Variants in NBAS observed in about 807,000 individuals in gnomAD.
NBAS encodes the protein NBAS subunit of NRZ tethering complex, also known as NAG/BC035112 fusion.
NBAS carries 219 observed loss-of-function variants against 302.5 expected under a neutral mutation model. That is an observed-to-expected ratio of 0.72 (90% CI 0.65 to 0.81). The LOEUF is 0.81. NBAS is among the 30% of genes least tolerant of loss of function. The probability of loss-of-function intolerance (pLI) is 0.00; values close to 1 mark genes in which losing one functional copy is unlikely to be tolerated. For missense variants in NBAS, 2,932 were observed against 2,841.6 expected, an observed-to-expected ratio of 1.03 and a Z score of -0.72; for synonymous variants, 1,118 against 1,021.6, an observed-to-expected ratio of 1.09 and a Z score of -1.80.
the NBAS span, among the ~76,000 whole-genome samples, chr2:14,970,858 C>T: frequency 1.3e-5 from 2 of 152,178 alleles, no homozygotes; most frequent in African/African-American, 4.8e-5. Context: ...TCCCACTGGG[C>T]TATAGTGTAT....
chr2:15,026,644 C>T, the NBAS span, among the ~76,000 whole-genome samples: 1 of 152,006 alleles, frequency 6.6e-6, no homozygotes, highest in Non-Finnish European at 1.5e-5. Flanking sequence ...TTTTAATGTG[C>T]TTCTGGATTC....
the NBAS span, among the ~76,000 whole-genome samples, chr2:14,990,142 G>GT: frequency 3.4e-3 from 520 of 151,764 alleles, 2 homozygotes; most frequent in Non-Finnish European, 5.5e-3. Flanking sequence ...GCCAGGTGCA[G>GT]TGGCTCACAC....
At chr2:15,422,688 T>G (rs1677269890) in intron 23 of NBAS, among the ~76,000 whole-genome samples, 1 of 152,224 alleles carries the variant, frequency 6.6e-6, no homozygotes, top group South Asian at 2.1e-4. Context: ...TAATGATCTT[T>G]TAAAATTCAT....
At chr2:15,396,234 T>C (rs1431571092) in intron 27 of NBAS, among the ~76,000 whole-genome samples, 179 bp downstream of exon 27, 3 of 152,182 alleles carry the variant, frequency 2.0e-5, no homozygotes, top group Non-Finnish European at 4.4e-5. Flanking sequence ...TATTATTCTA[T>C]TACTCCACTA....
the NBAS span, among the ~76,000 whole-genome samples, chr2:15,142,361 C>T: frequency 6.6e-6 from 1 of 152,212 alleles, no homozygotes; most frequent in Non-Finnish European, 1.5e-5. Flanking sequence ...ATGAATGTCA[C>T]ATCCGGGAGG....
chr2:15,313,791 C>T (rs1486135916), intron 38 of NBAS, among the ~76,000 whole-genome samples: 1 of 152,160 alleles, frequency 6.6e-6, no homozygotes, highest in African/African-American at 2.4e-5. Context: ...ACCACCCAAG[C>T]CAGCTGGAGA....
At chr2:14,899,059 T>A in the NBAS span, among the ~76,000 whole-genome samples, 1 of 152,190 alleles carries the variant, frequency 6.6e-6, no homozygotes, top group Non-Finnish European at 1.5e-5. Flanking sequence ...CCTCCCCCAG[T>A]GGTCTCTCCA....
At chr2:15,068,719 C>T in the NBAS span, among the ~76,000 whole-genome samples, 1 of 152,214 alleles carries the variant, frequency 6.6e-6, no homozygotes, top group South Asian at 2.1e-4. Context: ...CCTGGCAGCA[C>T]CATCCAAAAA....
intron 9 of NBAS, among the ~76,000 whole-genome samples, chr2:15,519,440 T>C (rs181097890): frequency 7.4e-4 from 111 of 149,178 alleles, no homozygotes; most frequent in African/African-American, 2.6e-3. Flanking sequence ...TTTCTTTATT[T>C]TTTTTTTAAT....
intron 48 of NBAS, among the ~76,000 whole-genome samples, chr2:15,202,049 T>C (rs1572439123): frequency 6.6e-6 from 1 of 152,338 alleles, no homozygotes; most frequent in East Asian, 1.9e-4. Flanking sequence ...AGTGCCTGTT[T>C]ATAAACTGCT....
At chr2:14,841,281 A>C in the NBAS span, among the ~76,000 whole-genome samples, 14 of 151,974 alleles carry the variant, frequency 9.2e-5, no homozygotes, top group Admixed American at 2.0e-4. Flanking sequence ...GGGGAGTTTC[A>C]AAACAACCAG....
chr2:15,099,973 A>G, the NBAS span, among the ~76,000 whole-genome samples: 1 of 152,212 alleles, frequency 6.6e-6, no homozygotes, highest in African/African-American at 2.4e-5. Flanking sequence ...CACATGTAGT[A>G]CCAATGTTTT....
chr2:15,430,768 G>A (rs997247222), intron 21 of NBAS, among the ~76,000 whole-genome samples: 4 of 151,846 alleles, frequency 2.6e-5, no homozygotes, highest in African/African-American at 9.7e-5. Flanking sequence ...CATGCATCAG[G>A]AGCCACCAGT....
At chr2:15,513,517 G>C (rs1662238955) in intron 9 of NBAS, among the ~76,000 whole-genome samples, 1 of 150,676 alleles carries the variant, frequency 6.6e-6, no homozygotes, top group Non-Finnish European at 1.5e-5. Context: ...AGAAAATATT[G>C]ATGAAAAAAG....
chr2:15,045,802 G>A, the NBAS span, among the ~76,000 whole-genome samples: 2 of 152,162 alleles, frequency 1.3e-5, no homozygotes, highest in Non-Finnish European at 2.9e-5. Flanking sequence ...TTTTCCATAT[G>A]GCTATACTAA....
chr2:15,477,022 G>A (rs978452667), intron 13 of NBAS, among the ~76,000 whole-genome samples: 6 of 152,054 alleles, frequency 3.9e-5, no homozygotes, highest in Non-Finnish European at 8.8e-5. Context: ...ATGTAAATAA[G>A]AAATTTCAAG....
intron 21 of NBAS, among the ~76,000 whole-genome samples, chr2:15,458,719 T>G (rs1249084406): frequency 6.6e-6 from 1 of 152,148 alleles, no homozygotes; most frequent in African/African-American, 2.4e-5. Context: ...ACAAACAGAC[T>G]AATACAAACC....
At chr2:15,275,429 A>G in intron 44 of NBAS, 55 bp downstream of exon 44, 1 of 1,521,906 alleles carries the variant, frequency 6.6e-7, no homozygotes, top group Non-Finnish European at 9.0e-7. Flanking sequence ...AATGTAGGAG[A>G]AATTTTCATT....
intron 38 of NBAS, among the ~76,000 whole-genome samples, chr2:15,321,391 A>G (rs537380453): frequency 6.6e-6 from 1 of 152,200 alleles, no homozygotes; most frequent in African/African-American, 2.4e-5. Context: ...CAAAATAGAC[A>G]AAGGGGATCT....
Sources: gnomAD v4.1 joint callset for allele counts (sites outside exome capture counted in the v4.1 genomes callset) on GRCh38, gnomAD v4.1.1 for gene constraint, MANE v1.5 for transcripts, NCBI Gene and HGNC (gene_info 2026-07-23, HGNC 2026-07-21) for gene names.